The following STK33 variants were observed in gnomAD, a reference collection of about 807,000 sequenced individuals.
The protein encoded by STK33 is serine/threonine kinase 33, also known as serine/threonine-protein kinase 33.
In STK33, 52 loss-of-function variants were observed where a neutral mutation model predicts 58.0. The observed-to-expected ratio is 0.90, with a 90% CI of 0.72 to 1.13. STK33 has a LOEUF of 1.13. STK33 is among the 50% of genes most tolerant of loss of function. STK33 has a pLI of 0.00. For missense variants in STK33, 630 were observed against 604.2 expected (o/e 1.04, Z -0.45); for synonymous variants, 215 against 200.1 (o/e 1.07, Z -0.63).
chr11:8,446,825 G>C (rs376575615), intron 11 of STK33, among the ~76,000 whole-genome samples: 1 of 152,078 alleles, frequency 6.6e-6, no homozygotes, highest in Non-Finnish European at 1.5e-5. Context: ...ATTCAAGATG[G>C]ATTAAAGACT....
intron 1 of STK33, among the ~76,000 whole-genome samples, chr11:8,547,543 G>C (rs919326447): frequency 2.6e-5 from 4 of 152,124 alleles, no homozygotes; most frequent in Admixed American, 2.0e-4. Context: ...AAGTTATTCA[G>C]GTCATTTGCT....
chr11:8,582,624 A>C (rs1474021092), intron 1 of STK33, among the ~76,000 whole-genome samples: 5 of 152,218 alleles, frequency 3.3e-5, no homozygotes, highest in African/African-American at 4.8e-5. Flanking sequence ...CTCCCTTGAT[A>C]CGTGGGGATT....
At chr11:8,359,712 C>G in the STK33 span, among the ~76,000 whole-genome samples, 1 of 152,224 alleles carries the variant, frequency 6.6e-6, no homozygotes, top group African/African-American at 2.4e-5. Context: ...GCCCTGCAAT[C>G]AGAGAGAGGG....
Position 8,440,689 on chromosome 11 carries a change from T to C in STK33, c.936A>G (p.Val312=), listed in dbSNP as rs748625727. The C allele has an allele frequency of 7.0e-6, 11 of 1,564,868 alleles. No homozygotes were observed. The highest frequency in any genetic ancestry group is 1.4e-5 in the African/African-American group (1 of 73,992). Residue 312 remains valine, a synonymous_variant, in exon 12 of 16, where the codon GTA becomes GTG. Coordinates refer to ENST00000687296, the MANE Select transcript of STK33 (RefSeq NM_001352389.2). ...AGCAGGCTACTTACAACATGTACATTACGACGCCTATGCTCCAAATGTCAC... is the reference window on the plus strand; with the variant it reads ...AGCAGGCTACTTACAACATGTACATCACGACGCCTATGCTCCAAATGTCAC... ...QQCDIWSIGV[V]MYMLLRGEPP...
the STK33 span, among the ~76,000 whole-genome samples, chr11:8,359,348 C>T: frequency 3.5e-4 from 53 of 152,164 alleles, no homozygotes; most frequent in African/African-American, 1.0e-3. Flanking sequence ...CTTGATGGGC[C>T]CCACGTCATC....
chr11:8,483,170 A>T (rs1949957354), intron 1 of STK33, among the ~76,000 whole-genome samples: 1 of 152,062 alleles, frequency 6.6e-6, no homozygotes, highest in South Asian at 2.1e-4. Flanking sequence ...TGGGGAAGGT[A>T]ATACTCAAAC....
chr11:8,525,880 G>A (rs1591630877), intron 1 of STK33, among the ~76,000 whole-genome samples: 2 of 152,126 alleles, frequency 1.3e-5, no homozygotes, highest in African/African-American at 2.4e-5. Flanking sequence ...ACAGAAAACT[G>A]GAAGAAATAA....
At chr11:8,388,211 G>A (rs1330249308), downstream of STK33, among the ~76,000 whole-genome samples, 1 of 152,144 alleles carries the variant, frequency 6.6e-6, no homozygotes, top group Non-Finnish European at 1.5e-5. Flanking sequence ...CACTGCAAAA[G>A]TCCTATTAAT....
intron 11 of STK33, among the ~76,000 whole-genome samples, chr11:8,448,371 G>C (rs1591147546): frequency 6.6e-6 from 1 of 152,110 alleles, no homozygotes; most frequent in East Asian, 1.9e-4. Flanking sequence ...CACGCTACCT[G>C]ACTTCAAACT....
At chr11:8,486,891 G>A (rs1301982245) in intron 1 of STK33, among the ~76,000 whole-genome samples, 2 of 152,172 alleles carry the variant, frequency 1.3e-5, no homozygotes, top group East Asian at 1.9e-4. Flanking sequence ...TAACTAATCA[G>A]TTATGACCTG....
chr11:8,461,918 A>G lies in STK33; in HGVS notation c.454-9T>C, dbSNP rs1025119584. On this transcript the variant is annotated splice_polypyrimidine_tract_variant and intron_variant, in intron 7 of 15. Coordinates refer to ENST00000687296, the MANE Select transcript of STK33 (RefSeq NM_001352389.2). ...ACAGCAGAGCTTCCAGCCTTAATCAATGAAGAAACACAGATTTCACATAAT... is the reference window on the plus strand; with the variant it reads ...ACAGCAGAGCTTCCAGCCTTAATCAGTGAAGAAACACAGATTTCACATAAT... 1 of 1,566,474 alleles carries G rather than the reference A, an allele frequency of 6.4e-7. No homozygotes were observed. The highest frequency in any genetic ancestry group is 1.2e-5 in the South Asian group (1 of 83,452).
chr11:8,487,986 A>T (rs1232994431), intron 1 of STK33, among the ~76,000 whole-genome samples: 1 of 152,214 alleles, frequency 6.6e-6, no homozygotes, highest in Admixed American at 6.5e-5. Flanking sequence ...CCACAATAAA[A>T]ATAATCGTGA....
intron 1 of STK33, among the ~76,000 whole-genome samples, chr11:8,564,813 G>A (rs1037286644): frequency 2.0e-5 from 3 of 152,172 alleles, no homozygotes; most frequent in East Asian, 1.9e-4. Context: ...CCAGATTACA[G>A]GGGAAATTCA....
intron 15 of STK33, among the ~76,000 whole-genome samples, chr11:8,397,723 G>C (rs1457680304): frequency 6.6e-6 from 1 of 152,052 alleles, no homozygotes; most frequent in African/African-American, 2.4e-5. Flanking sequence ...AAAAAAAATA[G>C]ACAAATGGCA....
chr11:8,343,203 C>G, the STK33 span, among the ~76,000 whole-genome samples: 1 of 152,242 alleles, frequency 6.6e-6, no homozygotes, highest in Non-Finnish European at 1.5e-5. Context: ...GGGGCAGCGC[C>G]TGTCTGGCCA....
At chr11:8,443,865 T>C (rs1384207525) in intron 11 of STK33, among the ~76,000 whole-genome samples, 1 of 152,086 alleles carries the variant, frequency 6.6e-6, no homozygotes, top group Non-Finnish European at 1.5e-5. Context: ...CTGGGAATGA[T>C]GGCACATGCC....
chr11:8,378,527 G>GACAA, the STK33 span, among the ~76,000 whole-genome samples: 1 of 151,976 alleles, frequency 6.6e-6, no homozygotes, highest in African/African-American at 2.4e-5. Context: ...TCAAAAAACA[G>GACAA]ACAAACAAAC....
chr11:8,465,819 G>A (rs1037481335), intron 6 of STK33: 1 of 154,148 alleles, frequency 6.5e-6, no homozygotes, highest in Admixed American at 6.5e-5. Flanking sequence ...TGCTGATAAA[G>A]ACATATCTGA....
At chr11:8,338,839 G>T in the STK33 span, among the ~76,000 whole-genome samples, 3 of 152,064 alleles carry the variant, frequency 2.0e-5, no homozygotes, top group Non-Finnish European at 4.4e-5. Context: ...ATCTTTGAGG[G>T]CCAGGACAAT....
Sources: gnomAD v4.1 joint callset for allele counts (sites outside exome capture counted in the v4.1 genomes callset) on GRCh38, gnomAD v4.1.1 for gene constraint, MANE v1.5 for transcripts, NCBI Gene and HGNC (gene_info 2026-07-23, HGNC 2026-07-21) for gene names.